The following GPR21 variants were observed in gnomAD, a reference collection of about 807,000 sequenced individuals.
The protein encoded by GPR21 is G protein-coupled receptor 21.
Under a neutral mutation model 21.5 loss-of-function variants are expected in GPR21, and 9 were observed. The ratio of observed to expected loss-of-function variants is 0.42; its 90% CI spans 0.25 to 0.73. The LOEUF is 0.73. Among genes scored for constraint, GPR21 ranks in the 30% least tolerant of loss-of-function variants. The pLI is 0.27. For synonymous variants in GPR21, 169 were observed against 159.3 expected (o/e 1.06, Z -0.46); for missense variants, 416 against 428.9 (o/e 0.97, Z 0.27).
At chr9:123,046,984 T>C in the GPR21 span, among the ~76,000 whole-genome samples, 2 of 152,226 alleles carry the variant, frequency 1.3e-5, no homozygotes, top group African/African-American at 4.8e-5. Flanking sequence ...GAACTAGGAC[T>C]AGAATCCAGG....
downstream of GPR21, among the ~76,000 whole-genome samples, chr9:123,039,143 G>A (rs2032823460): frequency 6.6e-6 from 1 of 152,104 alleles, no homozygotes; most frequent in African/African-American, 2.4e-5. Flanking sequence ...ACATCATGAT[G>A]TGTTCCCCCA....
the GPR21 span, among the ~76,000 whole-genome samples, chr9:123,041,072 G>T: frequency 6.6e-6 from 1 of 152,200 alleles, no homozygotes; most frequent in Non-Finnish European, 1.5e-5. Context: ...ACATGTGTAT[G>T]TGTGTAATTC....
Position 123,035,638 on chromosome 9 carries a change from CCGTGTG to C in GPR21, c.*23_*28del. ...CTGAAGTGGCTCAGTTACGGGGTTC[CCGTGTG>C]TGTGTGTGTGTGTGTGTGTGTGTGT... On this transcript the variant is annotated 3_prime_UTR_variant, in exon 2 of 2. Transcript: ENST00000616002. 1 of 1,159,200 alleles carries C rather than the reference CCGTGTG, an allele frequency of 8.6e-7. No homozygotes were observed. Among genetic ancestry groups the C allele is most frequent in the Non-Finnish European group, 1.2e-6 (1 of 819,100 alleles). 71.8% of individuals were successfully genotyped at this position (1,159,200 alleles called of 1,614,324 possible).
downstream of GPR21, among the ~76,000 whole-genome samples, chr9:123,037,887 A>G (rs1195767082): frequency 6.6e-6 from 1 of 152,106 alleles, no homozygotes; most frequent in Non-Finnish European, 1.5e-5. Flanking sequence ...TTTAGTTTAA[A>G]TACCAGTCTG....
At chr9:123,039,575 A>G (rs919197477), downstream of GPR21, among the ~76,000 whole-genome samples, 1 of 152,150 alleles carries the variant, frequency 6.6e-6, no homozygotes, top group Non-Finnish European at 1.5e-5. Context: ...TTAAATAATA[A>G]ATAATATCTC....
At chr9:123,043,329 A>C in the GPR21 span, among the ~76,000 whole-genome samples, 3 of 152,226 alleles carry the variant, frequency 2.0e-5, no homozygotes, top group African/African-American at 7.2e-5. Flanking sequence ...CAGTCTAAAT[A>C]GGAGCAGGAA....
chr9:123,033,822 G>T (rs1217195864), intron 1 of GPR21, 80 bp downstream of exon 1: 4 of 152,246 alleles, frequency 2.6e-5, no homozygotes, highest in Admixed American at 2.0e-4. Context: ...TGGAATCAAT[G>T]AAGAAAGTAA....
chr9:123,042,674 A>C, the GPR21 span, among the ~76,000 whole-genome samples: 1 of 152,214 alleles, frequency 6.6e-6, no homozygotes, highest in East Asian at 1.9e-4. Context: ...AATAGATGAA[A>C]AAGCAAAACA....
the GPR21 span, among the ~76,000 whole-genome samples, chr9:123,040,807 A>T: frequency 6.6e-6 from 1 of 152,172 alleles, no homozygotes; most frequent in Non-Finnish European, 1.5e-5. Flanking sequence ...ATAATTAGGG[A>T]TGTGATATTA....
chr9:123,046,212 T>G, the GPR21 span, among the ~76,000 whole-genome samples: 2 of 152,216 alleles, frequency 1.3e-5, no homozygotes, highest in African/African-American at 4.8e-5. Context: ...TGGATGTACT[T>G]CATCAAGGGA....
chr9:123,035,165 A>G lies in GPR21; in HGVS notation c.599A>G (p.Tyr200Cys). The change falls in exon 2 of 2, where the codon TAT becomes TGT. Residue 200 changes from tyrosine (Y) to cysteine (C), a missense_variant. Physicochemically the swap from Tyr to Cys is radical, Grantham distance 194. Coordinates refer to ENST00000616002, the MANE Select transcript of GPR21 (RefSeq NM_005294.3). ...ACCCTGTTCATCGTGATGATGTTAT[A>G]TGCCCCAGCAGCCCTTATTGTCTGC... ...YFTLFIVMML[Y>C]APAALIVCFT... The G allele has an allele frequency of 2.5e-6, 4 of 1,614,000 alleles. No homozygotes were observed. Among genetic ancestry groups the G allele is most frequent in the Non-Finnish European group, 2.5e-6 (3 of 1,179,914 alleles).
chr9:123,040,177 C>T (rs569422211), downstream of GPR21, among the ~76,000 whole-genome samples: 1 of 152,246 alleles, frequency 6.6e-6, no homozygotes, highest in African/African-American at 2.4e-5. Context: ...TTCCAGGAAG[C>T]CTCACTGTTC....
the GPR21 span, among the ~76,000 whole-genome samples, chr9:123,047,113 T>C: frequency 6.6e-6 from 1 of 152,202 alleles, no homozygotes; most frequent in Non-Finnish European, 1.5e-5. Context: ...AGGAAACAAC[T>C]GTTCAGAGTT....
Position 123,034,605 on chromosome 9 carries a change from T to C in GPR21, c.39T>C (p.Pro13=). 6.2e-7 allele frequency: 1 copy of C among 1,611,904 alleles called. No individual in the cohort carries two copies. Among genetic ancestry groups the C allele is most frequent in the Non-Finnish European group, 8.5e-7 (1 of 1,178,626 alleles). The change falls in exon 2 of 2, where the codon CCT becomes CCC. Residue 13 remains proline (P), a synonymous_variant. Coordinates refer to ENST00000616002, the MANE Select transcript of GPR21 (RefSeq NM_005294.3). ...TGGATGGTAATCAGAGCAGCCACCC[T>C]TTTTGCCTCTTGGCATTTGGCTATT... The part of the protein sequence containing the change: ...STLDGNQSSH[P]FCLLAFGYLE...
At chr9:123,047,893 ATATC>A in the GPR21 span, among the ~76,000 whole-genome samples, 2 of 144,550 alleles carry the variant, frequency 1.4e-5, no homozygotes, top group Non-Finnish European at 3.0e-5. Flanking sequence ...AAGAGCAAAA[ATATC>A]TAGCCATTTT....
In GPR21 at chr9:123,034,420, G is replaced by A. The variant is rs1171205177; in HGVS notation, c.-147G>A. 1.3e-5 allele frequency: 8 copies of A among 637,346 alleles called. No individual in the cohort carries two copies. Among genetic ancestry groups the A allele is most frequent in the Non-Finnish European group, 2.2e-5 (8 of 359,448 alleles). 39.5% of individuals were successfully genotyped at this position (637,346 alleles called of 1,614,324 possible). On this transcript the variant is annotated 5_prime_UTR_variant, in exon 2 of 2. Transcript: ENST00000616002. ...ATTGCACTGCAGGCAATGCACCAGA[G>A]CAGCAGCATCAGGAGCTTGGGGAGT... is the stretch of plus-strand genomic sequence containing the variant.
In GPR21 at chr9:123,035,234, A is replaced by T; in HGVS notation, c.668A>T (p.Lys223Met). ...TTCCGCATCTGCCAACAGCACACAA[A>T]GGATATCAGCGAAAGGCAAGCCCGC... Reference protein sequence around the residue: ...NIFRICQQHTKDISERQARFS... With the variant: ...NIFRICQQHTMDISERQARFS... Residue 223 changes from lysine (K) to methionine (M), a missense_variant, in exon 2 of 2, where the codon AAG becomes ATG. Coordinates refer to ENST00000616002, the MANE Select transcript of GPR21 (RefSeq NM_005294.3). 1 of 1,614,150 alleles carries T rather than the reference A, an allele frequency of 6.2e-7. No homozygotes were observed. The highest frequency in any genetic ancestry group is 8.5e-7 in the Non-Finnish European group (1 of 1,180,014).
In GPR21 at chr9:123,034,891, G is replaced by A. The variant is rs1247937187; in HGVS notation, c.325G>A (p.Val109Ile). 8.1e-6 allele frequency: 13 copies of A among 1,613,764 alleles called. No homozygotes were observed. Among genetic ancestry groups the A allele is most frequent in the Non-Finnish European group, 1.1e-5 (13 of 1,179,718 alleles). ...SLTCQIFGFV[V>I]SVLKSVSMAS... ...GACTTGCCAGATATTTGGTTTTGTA[G>A]TATCAGTTCTGAAGAGCGTCTCCAT... Residue 109 changes from valine to isoleucine, a missense_variant, in exon 2 of 2, where the codon GTA (valine) becomes ATA (isoleucine). Val to Ile is a conservative substitution (Grantham distance 29). Coordinates refer to ENST00000616002, the MANE Select transcript of GPR21 (RefSeq NM_005294.3).
the GPR21 span, among the ~76,000 whole-genome samples, chr9:123,043,905 T>G: frequency 1.3e-5 from 2 of 148,780 alleles, no homozygotes; most frequent in East Asian, 3.9e-4. Context: ...ATTTTCTTTT[T>G]TTTTTTTTTT....
Sources: gnomAD v4.1 joint callset for allele counts (sites outside exome capture counted in the v4.1 genomes callset) on GRCh38, gnomAD v4.1.1 for gene constraint, MANE v1.5 for transcripts, NCBI Gene and HGNC (gene_info 2026-07-23, HGNC 2026-07-21) for gene names.